ZNF578: variants seen among roughly 807,000 people sequenced by gnomAD.
ZNF578 encodes Putative chemokine-related protein B42.
Under a neutral mutation model 8.3 loss-of-function variants are expected in ZNF578, and 8 were observed. The observed-to-expected ratio is 0.96, with a 90% CI of 0.56 to 1.74. ZNF578 has a LOEUF of 1.74. ZNF578 is among the 40% of genes most tolerant of loss of function. The pLI is 0.00. For missense variants in ZNF578, 726 were observed against 707.5 expected, an observed-to-expected ratio of 1.03 and a Z score of -0.30; for synonymous variants, 206 against 232.2, an observed-to-expected ratio of 0.89 and a Z score of 1.03.
At position 52,501,875 on chromosome 19, in the gene ZNF578, G is replaced by A. The variant is rs1417004313; in HGVS notation, c.30G>A (p.Arg10=). 1 of 1,613,584 alleles carries A rather than the reference G, an allele frequency of 6.2e-7. No individual in the cohort carries two copies. The highest frequency in any genetic ancestry group is 1.7e-5 in the Admixed American group (1 of 59,986). The change falls in exon 4 of 6, where the codon AGG becomes AGA. Residue 10 remains arginine (R), a synonymous_variant. Coordinates refer to ENST00000421239, the MANE Select transcript of ZNF578 (RefSeq NM_001099694.2). MLHEEAAQK[R]KGKEPGMALP... is the part of the protein sequence containing the mutation. ...TACATGAGGAAGCAGCTCAGAAGAG[G>A]AAAGGAAAGGAGCCAGGCATGGCTC...
chr19:52,460,900 T>G (rs1165695896), intron 2 of ZNF578, among the ~76,000 whole-genome samples: 1 of 152,194 alleles, frequency 6.6e-6, no homozygotes, highest in Non-Finnish European at 1.5e-5. Flanking sequence ...ACCCATTTTT[T>G]CTTTTTTAAA....
At chr19:52,481,509 A>AG (rs2059326327) in intron 2 of ZNF578, among the ~76,000 whole-genome samples, 7 of 152,196 alleles carry the variant, frequency 4.6e-5, no homozygotes, top group African/African-American at 1.4e-4. Context: ...CTTGTTTCAA[A>AG]TTATACATAT....
At chr19:52,463,903 GTAGT>G in intron 2 of ZNF578, among the ~76,000 whole-genome samples, 1 of 152,154 alleles carries the variant, frequency 6.6e-6, no homozygotes, top group East Asian at 1.9e-4. Flanking sequence ...AAGAATCCAT[GTAGT>G]TAATTTTAAG....
intron 2 of ZNF578, among the ~76,000 whole-genome samples, chr19:52,465,490 C>T (rs780581315): frequency 1.3e-5 from 2 of 152,170 alleles, no homozygotes; most frequent in Non-Finnish European, 2.9e-5. Context: ...TCAGCCTCAT[C>T]GTCTGTCTGA....
chr19:52,481,264 T>C (rs1419178353), intron 2 of ZNF578, among the ~76,000 whole-genome samples: 2 of 152,234 alleles, frequency 1.3e-5, no homozygotes, highest in Non-Finnish European at 2.9e-5. Flanking sequence ...CAGCAGACCT[T>C]CTTCCTTCAT....
chr19:52,512,057 G>T lies in ZNF578; in HGVS notation c.1676G>T (p.Arg559Ile). The T allele has an allele frequency of 6.2e-7, 1 of 1,613,588 alleles. No homozygotes were observed. ...CATTCTTATCTGGCAAACCATACTAGAATTCATAGCGGAGAGAAACCTTAC... is the reference window on the plus strand; with the variant it reads ...CATTCTTATCTGGCAAACCATACTATAATTCATAGCGGAGAGAAACCTTAC... Reference protein sequence around the residue: ...MCHSYLANHTRIHSGEKPYKC... With the variant: ...MCHSYLANHTIIHSGEKPYKC... The change falls in exon 6 of 6, where the codon AGA becomes ATA. Residue 559 changes from arginine (R) to isoleucine (I), a missense_variant. Arg to Ile is a moderately conservative substitution (Grantham distance 97). Transcript: ENST00000421239.
chr19:52,497,483 A>G (rs2059391162), intron 3 of ZNF578, among the ~76,000 whole-genome samples: 1 of 152,140 alleles, frequency 6.6e-6, no homozygotes, highest in African/African-American at 2.4e-5. Flanking sequence ...GGCCTCCCAA[A>G]GTGCTGGGAT....
intron 2 of ZNF578, among the ~76,000 whole-genome samples, chr19:52,480,126 G>C (rs1651539): frequency 0.035 from 5,396 of 152,162 alleles, 330 homozygotes; most frequent in African/African-American, 0.12. Flanking sequence ...AGCCAGGATG[G>C]TCTTGATCTG....
Position 52,514,971 on chromosome 19 carries a change from T to A in ZNF578, c.*2817T>A, listed in dbSNP as rs2059467294. Reference sequence around the variant, plus strand: ...CTACCACGTCGAGACTCTTTTTTTTTTTTTTTTTTAGATGGAGTTTTGCTT... The same window carrying A: ...CTACCACGTCGAGACTCTTTTTTTTATTTTTTTTTAGATGGAGTTTTGCTT... On this transcript the variant is annotated 3_prime_UTR_variant, in exon 6 of 6. Transcript: ENST00000421239. Among the ~76,000 whole-genome samples the A allele has an allele frequency of 6.6e-6, 1 of 151,236 alleles. No individual in the cohort carries two copies. The highest frequency in any genetic ancestry group is 2.4e-5 in the African/African-American group (1 of 41,116).
intron 5 of ZNF578, among the ~76,000 whole-genome samples, chr19:52,504,988 A>T (rs1568466079): frequency 6.6e-6 from 1 of 152,174 alleles, no homozygotes. Flanking sequence ...TCCGGGTTCA[A>T]GTGATTCTCC....
chr19:52,467,822 A>T (rs185616649), intron 2 of ZNF578, among the ~76,000 whole-genome samples: 144 of 152,356 alleles, frequency 9.5e-4, no homozygotes, highest in African/African-American at 3.4e-3. Flanking sequence ...TATCCAAAAA[A>T]TTATGTAGAA....
At chr19:52,509,704 T>C (rs2059437695) in intron 5 of ZNF578, among the ~76,000 whole-genome samples, 1 of 151,910 alleles carries the variant, frequency 6.6e-6, no homozygotes, top group Admixed American at 6.6e-5. Context: ...CAGGCAGAGG[T>C]TGCAGTGAGC....
intron 2 of ZNF578, among the ~76,000 whole-genome samples, chr19:52,461,750 T>TA (rs2059258586): frequency 6.6e-6 from 1 of 152,242 alleles, no homozygotes. Flanking sequence ...AGAAAACTGA[T>TA]ACACAAATTG....
At chr19:52,506,029 C>G (rs2059424498) in intron 5 of ZNF578, among the ~76,000 whole-genome samples, 1 of 152,028 alleles carries the variant, frequency 6.6e-6, no homozygotes, top group Admixed American at 6.6e-5. Flanking sequence ...TCTTGAGTGG[C>G]TGGGATTACA....
At chr19:52,486,360 G>C (rs752956995) in intron 2 of ZNF578, among the ~76,000 whole-genome samples, 5 of 152,156 alleles carry the variant, frequency 3.3e-5, no homozygotes, top group Non-Finnish European at 7.3e-5. Context: ...CAGTGCCGTC[G>C]TGGGTCCTCC....
intron 1 of ZNF578, chr19:52,454,268 C>G (rs1024577426): frequency 2.0e-5 from 3 of 152,250 alleles, no homozygotes; most frequent in Non-Finnish European, 4.4e-5. Context: ...CAGAATACTT[C>G]ACTTGTGGTC....
At chr19:52,496,525 G>T (rs8102745) in intron 3 of ZNF578, among the ~76,000 whole-genome samples, 9,849 of 112,912 alleles carry the variant, frequency 0.087, 1,481 homozygotes, top group Non-Finnish European at 0.11. Flanking sequence ...GAGACGGGGT[G>T]TCACCATGTT....
chr19:52,459,721 G>A (rs74176152), intron 2 of ZNF578, among the ~76,000 whole-genome samples: 45,129 of 54,226 alleles, frequency 0.83, 18,692 homozygotes, highest in Non-Finnish European at 0.9. Flanking sequence ...ATATGTGTGT[G>A]TGTGTGTGTG....
At chr19:52,474,035 T>C in intron 2 of ZNF578, 2 of 419,774 alleles carry the variant, frequency 4.8e-6, no homozygotes, top group Non-Finnish European at 9.8e-6. Context: ...GTGTGCAATT[T>C]GATTGAAGAC....
Sources: gnomAD v4.1 joint callset for allele counts (sites outside exome capture counted in the v4.1 genomes callset) on GRCh38, gnomAD v4.1.1 for gene constraint, MANE v1.5 for transcripts, NCBI Gene and HGNC (gene_info 2026-07-23, HGNC 2026-07-21) for gene names.